SEMA6D: variants seen among roughly 807,000 people sequenced by gnomAD.
SEMA6D encodes semaphorin 6D.
SEMA6D carries 35 observed loss-of-function variants against 106.6 expected under a neutral mutation model. That is an observed-to-expected ratio of 0.33 (90% CI 0.25 to 0.44). The LOEUF (loss-of-function observed/expected upper bound fraction) is 0.44. Among genes scored for constraint, SEMA6D ranks in the 20% least tolerant of loss-of-function variants. SEMA6D has a pLI of 1.00. For missense variants in SEMA6D, 1,185 were observed against 1,345.9 expected, an observed-to-expected ratio of 0.88 and a Z score of 1.87; for synonymous variants, 499 against 487.7, an observed-to-expected ratio of 1.02 and a Z score of -0.31.
At chr15:47,770,011 G>A (rs1224858101) in intron 18 of SEMA6D, among the ~76,000 whole-genome samples, 3 of 151,976 alleles carry the variant, frequency 2.0e-5, no homozygotes, top group Non-Finnish European at 4.4e-5. Flanking sequence ...CAAATTATAT[G>A]TTCATATTAA....
intron 3 of SEMA6D, among the ~76,000 whole-genome samples, chr15:47,484,947 G>T (rs1312359880): frequency 1.3e-5 from 2 of 152,190 alleles, no homozygotes; most frequent in Non-Finnish European, 2.9e-5. Flanking sequence ...GATTTGAAAG[G>T]TTGTTTTTTA....
intron 4 of SEMA6D, among the ~76,000 whole-genome samples, chr15:47,617,400 A>C (rs1229578063): frequency 6.6e-6 from 1 of 152,160 alleles, no homozygotes; most frequent in African/African-American, 2.4e-5. Context: ...ATGAAATTCA[A>C]CCTCTTCATG....
At chr15:47,279,980 A>G in intron 1 of SEMA6D, among the ~76,000 whole-genome samples, 1 of 150,988 alleles carries the variant, frequency 6.6e-6, no homozygotes, top group Non-Finnish European at 1.5e-5. Context: ...ATATTGGTCT[A>G]AAATTCTCTT....
intron 1 of SEMA6D, among the ~76,000 whole-genome samples, chr15:47,254,872 G>GTT (rs1239809002): frequency 1.4e-3 from 60 of 44,076 alleles, no homozygotes; most frequent in Non-Finnish European, 2.5e-3. Flanking sequence ...TTGACCTGTG[G>GTT]TTTTGTGTGT....
At chr15:47,343,248 T>TTATTA (rs1555425175) in intron 1 of SEMA6D, among the ~76,000 whole-genome samples, 42 of 146,146 alleles carry the variant, frequency 2.9e-4, no homozygotes, top group Middle Eastern at 7.0e-3. Context: ...TAGTTGGATT[T>TTATTA]TTATTATTAT....
chr15:47,317,112 A>G (rs927500286), intron 1 of SEMA6D, among the ~76,000 whole-genome samples: 4 of 152,172 alleles, frequency 2.6e-5, no homozygotes, highest in South Asian at 4.1e-4. Context: ...ATGATTGTCT[A>G]TTTTTTCTTG....
In SEMA6D at chr15:47,764,883, G is replaced by A. The variant is rs760469301; in HGVS notation, c.1254G>A (p.Arg418=). Residue 418 remains arginine (R), a splice_region_variant and synonymous_variant, in exon 13 of 19, where the codon AGG becomes AGA. Transcript: ENST00000536845. The stretch of plus-strand genomic sequence containing the variant: ...TGATCTGTGCCGCCTCCTCTTGTAG[G>A]TACAGACTGACGGCCATCTCAGTGG... ...DEPWFTKTRV[R]YRLTAISVDH... is the part of the protein sequence containing the mutation. The A allele has an allele frequency of 1.2e-6, 2 of 1,613,828 alleles. No individual in the cohort carries two copies. Among genetic ancestry groups the A allele is most frequent in the Non-Finnish European group, 1.7e-6 (2 of 1,179,838 alleles).
At chr15:47,335,928 G>A (rs900228838) in intron 1 of SEMA6D, among the ~76,000 whole-genome samples, 3 of 152,122 alleles carry the variant, frequency 2.0e-5, no homozygotes, top group African/African-American at 7.2e-5. Context: ...GCATAAAAGG[G>A]CCTTGAACCA....
intron 1 of SEMA6D, among the ~76,000 whole-genome samples, chr15:47,370,901 G>A (rs1287280380): frequency 1.3e-5 from 2 of 152,046 alleles, no homozygotes; most frequent in Non-Finnish European, 1.5e-5. Context: ...ATGTTTATTT[G>A]ATGGTGAGGA....
chr15:47,432,153 C>A (rs1265565550), intron 2 of SEMA6D, among the ~76,000 whole-genome samples: 2 of 152,030 alleles, frequency 1.3e-5, no homozygotes, highest in African/African-American at 4.8e-5. Flanking sequence ...GAGCCAAGAG[C>A]AACTTCAGAC....
chr15:47,597,393 A>G (rs1168441366), intron 3 of SEMA6D, among the ~76,000 whole-genome samples: 1 of 152,116 alleles, frequency 6.6e-6, no homozygotes, highest in Non-Finnish European at 1.5e-5. Flanking sequence ...TAAAATTAGT[A>G]TTATGAAGAG....
At chr15:47,498,232 A>G (rs1000723892) in intron 3 of SEMA6D, among the ~76,000 whole-genome samples, 2 of 152,120 alleles carry the variant, frequency 1.3e-5, no homozygotes, top group African/African-American at 2.4e-5. Context: ...GATTTCCACA[A>G]TGTGGTTATC....
intron 4 of SEMA6D, among the ~76,000 whole-genome samples, chr15:47,639,630 C>T (rs186238049): frequency 2.0e-5 from 3 of 152,294 alleles, no homozygotes; most frequent in Non-Finnish European, 2.9e-5. Flanking sequence ...ACCTCAAGCA[C>T]GTGATCTAGG....
chr15:47,290,110 T>C (rs1240554063), intron 1 of SEMA6D, among the ~76,000 whole-genome samples: 2 of 152,168 alleles, frequency 1.3e-5, no homozygotes, highest in African/African-American at 4.8e-5. Flanking sequence ...AGAATTATTT[T>C]TCATCTAAGA....
intron 3 of SEMA6D, among the ~76,000 whole-genome samples, chr15:47,489,714 C>T (rs1314721780): frequency 1.3e-5 from 2 of 151,830 alleles, no homozygotes; most frequent in Non-Finnish European, 2.9e-5. Flanking sequence ...TGCAGTGGCG[C>T]GATCTTGGCT....
intron 2 of SEMA6D, 163 bp downstream of exon 2, chr15:47,760,070 C>A: frequency 1.5e-6 from 1 of 673,732 alleles, no homozygotes; most frequent in Non-Finnish European, 2.5e-6. Context: ...TTGGAGAAAA[C>A]GGGGCAGTTT....
At chr15:47,521,712 A>G (rs1656622) in intron 3 of SEMA6D, among the ~76,000 whole-genome samples, 61,687 of 152,046 alleles carry the variant, frequency 0.41, 13,342 homozygotes, top group East Asian at 0.81. Context: ...ACGGCTGGGC[A>G]CGGTGGCTCA....
chr15:47,551,164 T>C (rs897315313), intron 3 of SEMA6D, among the ~76,000 whole-genome samples: 1 of 152,160 alleles, frequency 6.6e-6, no homozygotes, highest in African/African-American at 2.4e-5. Flanking sequence ...GTGACCTATA[T>C]GAGATGAGTT....
At chr15:47,215,226 G>A (rs2030462610) in intron 1 of SEMA6D, among the ~76,000 whole-genome samples, 1 of 150,990 alleles carries the variant, frequency 6.6e-6, no homozygotes, top group African/African-American at 2.5e-5. Context: ...AAGATCTGTG[G>A]CTAGAGAATC....
Sources: allele counts gnomAD v4.1 joint callset (sites outside exome capture counted in the v4.1 genomes callset), GRCh38; gene constraint gnomAD v4.1.1; transcripts MANE v1.5; gene names NCBI Gene and HGNC (gene_info 2026-07-23, HGNC 2026-07-21).